PIK3CA: variants seen among roughly 807,000 people sequenced by gnomAD.
PIK3CA encodes the protein phosphatidylinositol-4,5-bisphosphate 3-kinase catalytic subunit alpha.
A neutral mutation model predicts 138.2 loss-of-function variants in PIK3CA; 27 were observed. The observed-to-expected ratio is 0.20, with a 90% confidence interval of 0.14 to 0.27. The LOEUF is 0.27. Among genes scored for constraint, PIK3CA ranks in the 10% least tolerant of loss-of-function variants. The probability of loss-of-function intolerance (pLI) is 1.00; values close to 1 mark genes in which losing one functional copy is unlikely to be tolerated. For synonymous variants in PIK3CA, 358 were observed against 413.2 expected, an observed-to-expected ratio of 0.87 and a Z score of 1.62; for missense variants, 544 against 1,277.4, an observed-to-expected ratio of 0.43 and a Z score of 8.75.
At chr3:179,223,111 T>A (rs1017562629) in intron 14 of PIK3CA, among the ~76,000 whole-genome samples, 1 of 152,224 alleles carries the variant, frequency 6.6e-6, no homozygotes, top group Admixed American at 6.5e-5. Context: ...TGATAAAATA[T>A]AAGAAGCATT....
intron 1 of PIK3CA, among the ~76,000 whole-genome samples, chr3:179,182,610 G>A (rs1723876305): frequency 6.6e-6 from 1 of 152,058 alleles, no homozygotes; most frequent in Non-Finnish European, 1.5e-5. Flanking sequence ...GGTTGGGGCT[G>A]TAGTGAGCCG....
intron 9 of PIK3CA, among the ~76,000 whole-genome samples, chr3:179,216,034 A>G (rs1724828899): frequency 6.6e-6 from 1 of 152,124 alleles, no homozygotes; most frequent in African/African-American, 2.4e-5. Context: ...ATGTCTCCAG[A>G]CATTAGCCAA....
At chr3:179,195,302 G>A (rs1724239921) in intron 1 of PIK3CA, among the ~76,000 whole-genome samples, 1 of 151,384 alleles carries the variant, frequency 6.6e-6, no homozygotes, top group African/African-American at 2.4e-5. Flanking sequence ...TTCCCCATCT[G>A]GTGCCAGCAC....
At chr3:179,168,777 A>C (rs1340307433) in intron 1 of PIK3CA, among the ~76,000 whole-genome samples, 1 of 152,158 alleles carries the variant, frequency 6.6e-6, no homozygotes, top group Non-Finnish European at 1.5e-5. Flanking sequence ...GATTCATTTC[A>C]ATATAAGGTA....
At position 179,234,480 on chromosome 3, in the gene PIK3CA, T is replaced by C. The variant is rs1725288972; in HGVS notation, c.*116T>C. On this transcript the variant is annotated 3_prime_UTR_variant, in exon 21 of 21. Coordinates refer to ENST00000263967, the MANE Select transcript of PIK3CA (RefSeq NM_006218.4). The surrounding 1 kb of genome is among the most constrained non-coding windows in gnomAD (Gnocchi z 5.1). The stretch of plus-strand genomic sequence containing the variant: ...GCACAATCCATGAACAGCATTAGAA[T>C]TTACAGCAAGAACAGAAATAAAATA... 2.7e-6 allele frequency: 2 copies of C among 739,524 alleles called. No homozygotes were observed. Among genetic ancestry groups the C allele is most frequent in the South Asian group, 2.7e-5 (1 of 36,602 alleles). 45.8% of individuals were successfully genotyped at this position (739,524 alleles called of 1,614,324 possible). A position where few individuals can be genotyped will look rare whatever the true frequency, so the allele number is the denominator to read the frequency against.
intron 1 of PIK3CA, among the ~76,000 whole-genome samples, chr3:179,153,267 A>G (rs1453930225): frequency 6.6e-6 from 1 of 152,210 alleles, no homozygotes; most frequent in Non-Finnish European, 1.5e-5. Context: ...ACTGTGTTTT[A>G]AAATTTAATA....
intron 1 of PIK3CA, among the ~76,000 whole-genome samples, chr3:179,152,164 C>A (rs1723029769): frequency 6.6e-6 from 1 of 152,104 alleles, no homozygotes; most frequent in African/African-American, 2.4e-5. Flanking sequence ...AATGTACAAC[C>A]CTGAAATTGC....
At chr3:179,228,947 A>G (rs897178030) in intron 17 of PIK3CA, among the ~76,000 whole-genome samples, 1 of 152,154 alleles carries the variant, frequency 6.6e-6, no homozygotes, top group Non-Finnish European at 1.5e-5. Context: ...TTCGATGTCA[A>G]TTAAACATCT....
In PIK3CA at chr3:179,238,466, A is replaced by G. The variant is rs1576951600; in HGVS notation, c.*4102A>G. The G allele has an allele frequency of 4.5e-6, 1 of 221,486 alleles. No individual in the cohort carries two copies. Among genetic ancestry groups the G allele is most frequent in the Non-Finnish European group, 9.0e-6 (1 of 110,628 alleles). 13.7% of individuals were successfully genotyped at this position (221,486 alleles called of 1,614,324 possible). A position where few individuals can be genotyped will look rare whatever the true frequency, so the allele number is the denominator to read the frequency against. On this transcript the variant is annotated 3_prime_UTR_variant, in exon 21 of 21. Transcript: ENST00000263967. ...ATATCTGTGGTCCTGATAAAATTGG[A>G]TTGGTAACTCTACCTCAGAAGGAAA... is the stretch of plus-strand genomic sequence containing the variant.
At chr3:179,155,359 C>T (rs776198359) in intron 1 of PIK3CA, among the ~76,000 whole-genome samples, 12 of 152,152 alleles carry the variant, frequency 7.9e-5, no homozygotes, top group Non-Finnish European at 1.8e-4. Context: ...AGGAGCCATA[C>T]GCTTTATCTG....
chr3:179,161,206 G>T (rs1723270239), intron 1 of PIK3CA, among the ~76,000 whole-genome samples: 1 of 152,114 alleles, frequency 6.6e-6, no homozygotes. Context: ...CACAAAGGGA[G>T]CAATGATTCC....
chr3:179,190,453 A>G (rs1217510165), intron 1 of PIK3CA, among the ~76,000 whole-genome samples: 1 of 152,100 alleles, frequency 6.6e-6, no homozygotes, highest in East Asian at 1.9e-4. Flanking sequence ...GTAACATTTA[A>G]AAAGGGAGTA....
intron 1 of PIK3CA, among the ~76,000 whole-genome samples, chr3:179,186,659 A>G (rs1723989376): frequency 1.3e-5 from 2 of 151,882 alleles, no homozygotes; most frequent in Admixed American, 6.6e-5. Flanking sequence ...AATGAGCCCT[A>G]TTTTTTTTGG....
At position 179,237,317 on chromosome 3, in the gene PIK3CA, CTT is replaced by C. The variant is rs1725351491; in HGVS notation, c.*2954_*2955del. 5.1e-6 allele frequency: 1 copy of C among 195,152 alleles called. No homozygotes were observed. Among genetic ancestry groups the C allele is most frequent in the Non-Finnish European group, 1.1e-5 (1 of 93,888 alleles). 12.1% of individuals were successfully genotyped at this position (195,152 alleles called of 1,614,324 possible). On this transcript the variant is annotated 3_prime_UTR_variant, in exon 21 of 21. Transcript: ENST00000263967. ...GTGGTTCTTAGTGTCCTATGTAAAA[CTT>C]AGTGTCAAAGTAATCAACTTTGAGA...
At chr3:179,198,096 C>A (rs1724314009) in intron 1 of PIK3CA, among the ~76,000 whole-genome samples, 1 of 152,096 alleles carries the variant, frequency 6.6e-6, no homozygotes, top group South Asian at 2.1e-4. Flanking sequence ...ATGACACTTT[C>A]TAATATTGTG....
chr3:179,166,509 G>T (rs1317171492), intron 1 of PIK3CA, among the ~76,000 whole-genome samples: 1 of 150,278 alleles, frequency 6.7e-6, no homozygotes, highest in Non-Finnish European at 1.5e-5. Context: ...GGTATGAACA[G>T]ATTGCTGGAT....
At chr3:179,210,620 A>C (rs1724687048) in intron 9 of PIK3CA, 55 bp downstream of exon 9, 15 of 1,538,266 alleles carry the variant, frequency 9.8e-6, no homozygotes, top group Non-Finnish European at 1.3e-5. Flanking sequence ...GGATTTAGGT[A>C]GATACTTTCT....
chr3:179,225,428 A>G (rs1205520721), intron 16 of PIK3CA, among the ~76,000 whole-genome samples: 1 of 152,162 alleles, frequency 6.6e-6, no homozygotes, highest in Non-Finnish European at 1.5e-5. Flanking sequence ...ATGGGTTTTC[A>G]ATAGGAAATG....
chr3:179,202,096 G>A (rs900464222), intron 4 of PIK3CA, among the ~76,000 whole-genome samples: 4 of 152,052 alleles, frequency 2.6e-5, no homozygotes, highest in Admixed American at 2.0e-4. Context: ...ACAGGGTCTC[G>A]CTTTGTCTCT....
Sources: gnomAD v4.1 joint callset for allele counts (sites outside exome capture counted in the v4.1 genomes callset) on GRCh38, gnomAD v4.1.1 for gene constraint, Gnocchi (gnomAD v3.1) non-coding constraint, MANE v1.5 for transcripts, NCBI Gene and HGNC (gene_info 2026-07-23, HGNC 2026-07-21) for gene names.